THSD7B: variants seen among roughly 807,000 people sequenced by gnomAD.
THSD7B encodes the protein thrombospondin type 1 domain containing 7B, also known as thrombospondin type-1 domain-containing protein 7B.
Under a neutral mutation model 213.6 loss-of-function variants are expected in THSD7B, and 138 were observed. The ratio of observed to expected loss-of-function variants is 0.65; its 90% CI spans 0.56 to 0.74. The LOEUF is 0.74. Among genes scored for constraint, THSD7B ranks in the 30% least tolerant of loss-of-function variants. The pLI is 0.00. For missense variants in THSD7B, 1,931 were observed against 1,991.5 expected (o/e 0.97, Z 0.58); for synonymous variants, 742 against 687.0 (o/e 1.08, Z -1.25).
At chr2:137,582,075 C>T (rs1276959553) in intron 17 of THSD7B, among the ~76,000 whole-genome samples, 2 of 151,820 alleles carry the variant, frequency 1.3e-5, no homozygotes, top group Non-Finnish European at 2.9e-5. Context: ...CACTGCACTG[C>T]AGCCTGGATG....
At chr2:137,195,335 C>A (rs1418932001) in intron 7 of THSD7B, among the ~76,000 whole-genome samples, 1 of 151,684 alleles carries the variant, frequency 6.6e-6, no homozygotes, top group Admixed American at 6.6e-5. Context: ...TGAGAAACTG[C>A]CACTTCAGTA....
intron 7 of THSD7B, among the ~76,000 whole-genome samples, chr2:137,196,418 G>A (rs944810383): frequency 1.4e-4 from 16 of 115,856 alleles, no homozygotes; most frequent in East Asian, 8.3e-4. Context: ...CTGCCGTTTC[G>A]CAGCTAATCC....
In THSD7B at chr2:136,828,060, G is replaced by C. The variant is rs527714118; in HGVS notation, c.-35-54084G>C. 2.9e-3 allele frequency among the ~76,000 whole-genome samples: 440 copies of C among 152,130 alleles called. 4 individuals are homozygous for C. The highest frequency in any genetic ancestry group is 8.9e-3 in the African/African-American group (370 of 41,490). ...GAGCCATGAAGATGCTGACAGGTGA[G>C]TGAAGATTGGGGTATACTTTACTCT... On this transcript the variant is annotated intron_variant, in intron 1 of 27. Coordinates refer to ENST00000409968, the MANE Select transcript of THSD7B (RefSeq NM_001316349.2).
chr2:137,386,648 T>C (rs1321041895), intron 12 of THSD7B, among the ~76,000 whole-genome samples: 2 of 152,192 alleles, frequency 1.3e-5, no homozygotes, highest in Admixed American at 6.5e-5. Flanking sequence ...TCCAGCCTTT[T>C]ATAGTTTTTC....
At chr2:137,302,213 GA>G (rs1683622577) in intron 12 of THSD7B, among the ~76,000 whole-genome samples, 1 of 152,100 alleles carries the variant, frequency 6.6e-6, no homozygotes, top group Admixed American at 6.5e-5. Context: ...TGAGATCATG[GA>G]GGGATTGTAT....
At chr2:136,767,576 G>C (rs895938289) in intron 1 of THSD7B, among the ~76,000 whole-genome samples, 2 of 151,938 alleles carry the variant, frequency 1.3e-5, no homozygotes, top group African/African-American at 4.8e-5. Context: ...AAAAAATTAT[G>C]AAGAAAATTC....
chr2:137,095,156 A>T lies in THSD7B; in HGVS notation c.1199+35A>T, dbSNP rs372808154. 1.6e-5 allele frequency: 26 copies of T among 1,606,264 alleles called. No homozygotes were observed. In the African/African-American group the frequency reaches 2.4e-4, roughly 15 times the overall value. On this transcript the variant is annotated intron_variant, in intron 4 of 27. Coordinates refer to ENST00000409968, the MANE Select transcript of THSD7B (RefSeq NM_001316349.2). The stretch of plus-strand genomic sequence containing the variant: ...CTTTATGCCTTCTTTAGTGTGAAGG[A>T]GGCATAATTTAATGTTGTAGGAATG...
At chr2:136,837,789 T>G (rs990179165) in intron 1 of THSD7B, among the ~76,000 whole-genome samples, 1 of 152,216 alleles carries the variant, frequency 6.6e-6, no homozygotes, top group African/African-American at 2.4e-5. Context: ...AATTTTCATC[T>G]TTGATGGTTT....
intron 14 of THSD7B, among the ~76,000 whole-genome samples, chr2:137,435,616 AT>A (rs1252427620): frequency 1.3e-5 from 2 of 152,074 alleles, no homozygotes; most frequent in African/African-American, 4.8e-5. Flanking sequence ...ACTGAAGAAC[AT>A]TTTCATGTCC....
At chr2:137,113,066 A>C (rs1688378486) in intron 4 of THSD7B, among the ~76,000 whole-genome samples, 1 of 152,160 alleles carries the variant, frequency 6.6e-6, no homozygotes, top group South Asian at 2.1e-4. Flanking sequence ...ATATCATAGA[A>C]GTCTCTGAGT....
intron 16 of THSD7B, among the ~76,000 whole-genome samples, chr2:137,567,155 AT>A (rs748781825): frequency 5.3e-5 from 8 of 150,474 alleles, no homozygotes; most frequent in Non-Finnish European, 1.2e-4. Flanking sequence ...ATTTTATTTT[AT>A]TTTATTTTAT....
intron 1 of THSD7B, among the ~76,000 whole-genome samples, chr2:136,881,086 C>T (rs570547054): frequency 2.0e-5 from 3 of 152,226 alleles, no homozygotes; most frequent in Admixed American, 1.3e-4. Flanking sequence ...GTTTTCTCTG[C>T]CTGAGATGCC....
At chr2:136,947,720 G>T (rs1684969084) in intron 2 of THSD7B, among the ~76,000 whole-genome samples, 1 of 152,192 alleles carries the variant, frequency 6.6e-6, no homozygotes, top group African/African-American at 2.4e-5. Context: ...TGCATATAAA[G>T]TAGGTATCAG....
intron 17 of THSD7B, among the ~76,000 whole-genome samples, chr2:137,590,192 T>C (rs1285647774): frequency 2.0e-5 from 3 of 152,206 alleles, no homozygotes; most frequent in Non-Finnish European, 2.9e-5. Context: ...GGCTGTACTA[T>C]TTACCATGGC....
chr2:136,977,845 C>T (rs1412903884), intron 2 of THSD7B, among the ~76,000 whole-genome samples: 1 of 149,664 alleles, frequency 6.7e-6, no homozygotes, highest in Non-Finnish European at 1.5e-5. Context: ...GCTCTGTCAC[C>T]CAGGCCGGAA....
intron 7 of THSD7B, among the ~76,000 whole-genome samples, chr2:137,177,932 A>G (rs34190100): frequency 0.046 from 7,022 of 152,122 alleles, 199 homozygotes; most frequent in Admixed American, 0.069. Context: ...TTAGCTGGGC[A>G]TGGCGGCACA....
chr2:137,383,413 G>A (rs1685823410), intron 12 of THSD7B, among the ~76,000 whole-genome samples: 1 of 152,134 alleles, frequency 6.6e-6, no homozygotes, highest in East Asian at 1.9e-4. Flanking sequence ...CAGCCTAGGG[G>A]GTGGAATATA....
chr2:137,099,628 C>A (rs1284401625), intron 4 of THSD7B, among the ~76,000 whole-genome samples: 1 of 152,180 alleles, frequency 6.6e-6, no homozygotes, highest in African/African-American at 2.4e-5. Context: ...TACGACCCCA[C>A]TGGGAGACAA....
intron 16 of THSD7B, among the ~76,000 whole-genome samples, chr2:137,568,917 G>A (rs572215413): frequency 6.6e-6 from 1 of 152,290 alleles, no homozygotes; most frequent in South Asian, 2.1e-4. Context: ...CCCCAAAGAT[G>A]TCCACATCCT....
Sources: gnomAD v4.1 joint callset for allele counts (sites outside exome capture counted in the v4.1 genomes callset) on GRCh38, gnomAD v4.1.1 for gene constraint, MANE v1.5 for transcripts, NCBI Gene and HGNC (gene_info 2026-07-23, HGNC 2026-07-21) for gene names.